MAMLD1: variants seen among roughly 807,000 people sequenced by gnomAD.
The protein encoded by MAMLD1 is mastermind-like domain-containing protein 1.
In MAMLD1, 14 loss-of-function variants were observed where a neutral mutation model predicts 45.0. The observed-to-expected ratio is 0.31, with a 90% confidence interval of 0.21 to 0.49. The LOEUF is 0.49. Among genes scored for constraint, MAMLD1 ranks in the 20% least tolerant of loss-of-function variants. The pLI is 0.99. For synonymous variants in MAMLD1, 254 were observed against 247.8 expected (o/e 1.02, Z -0.24); for missense variants, 543 against 603.6 (o/e 0.90, Z 1.05).
At chrX:150,398,343 G>GAAAGAAGAAGAAGAA (rs1569564636) in intron 1 of MAMLD1, among the ~76,000 whole-genome samples, 24 of 56,451 alleles carry the variant, frequency 4.3e-4, no homozygotes, top group African/African-American at 1.5e-3. Flanking sequence ...AAGAAGAAGA[G>GAAAGAAGAAGAAGAA]GAAGAGGAAG....
intron 1 of MAMLD1, among the ~76,000 whole-genome samples, chrX:150,401,106 T>G (rs1253594629): frequency 3.6e-5 from 4 of 111,252 alleles, no homozygotes; most frequent in Non-Finnish European, 7.6e-5. Flanking sequence ...TTTTGGTTGG[T>G]AAGCTATTGA....
chrX:150,511,060 G>GA (rs782275258), intron 7 of MAMLD1, among the ~76,000 whole-genome samples: 1 of 112,094 alleles, frequency 8.9e-6, no homozygotes, highest in Non-Finnish European at 1.9e-5. Context: ...CATTACAAGA[G>GA]AAAAAATCAT....
At chrX:150,361,913 C>A (rs1311027128), upstream of MAMLD1, among the ~76,000 whole-genome samples, 1 of 112,704 alleles carries the variant, frequency 8.9e-6, no homozygotes, top group African/African-American at 3.2e-5. Flanking sequence ...CCAATCCAGC[C>A]CAGCTTGGGC....
rs925135732 is a variant in MAMLD1, at chrX:150,468,873, G to A, written c.172-872G>A. ...TTAAAGACAAACAAGCAGAAATGAA[G>A]AGAATAGAAAGGGAATTGCCAGTCA... On this transcript the variant is annotated intron_variant, in intron 3 of 7. Transcript: ENST00000370401. Among the ~76,000 whole-genome samples, 3 of 111,203 alleles carry A rather than the reference G, an allele frequency of 2.7e-5. No individual in the cohort carries two copies. In the Admixed American group the frequency reaches 2.9e-4, roughly 11 times the overall value.
chrX:150,383,818 T>C (rs2032788445), intron 1 of MAMLD1, among the ~76,000 whole-genome samples: 1 of 111,751 alleles, frequency 8.9e-6, no homozygotes, highest in African/African-American at 3.3e-5. Flanking sequence ...TCTATATGGA[T>C]TTACTTATTC....
Position 150,447,017 on chromosome X carries a change from G to A in MAMLD1, c.96+1405G>A, listed in dbSNP as rs1170133234. Among the ~76,000 whole-genome samples, 4 of 112,355 alleles carry A rather than the reference G, an allele frequency of 3.6e-5. No homozygotes were observed. In the East Asian group the frequency reaches 1.1e-3, roughly 31 times the overall value. On this transcript the variant is annotated intron_variant, in intron 2 of 7. Coordinates refer to ENST00000370401, the MANE Select transcript of MAMLD1 (RefSeq NM_005491.5). ...TCCATCAACACTCTTAAAAAGTGTG[G>A]CCAGTAAGTAACTGCTTTGGTTTTG...
chrX:150,371,129 ACACAGCCAGTGCCCCTTTCTG>A (rs2031954551), intron 1 of MAMLD1, among the ~76,000 whole-genome samples: 1 of 111,177 alleles, frequency 9.0e-6, no homozygotes, highest in South Asian at 3.8e-4. Context: ...TCTGACCTGG[ACACAGCCAGTGCCCCTTTCTG>A]CACAGCCCAG....
chrX:150,458,939 A>G (rs887071401), intron 2 of MAMLD1, among the ~76,000 whole-genome samples: 10 of 112,424 alleles, frequency 8.9e-5, no homozygotes, highest in African/African-American at 3.2e-4. Context: ...TCTAATGTAC[A>G]GCACTGTGGC....
chrX:150,512,496 A>G lies in MAMLD1; in HGVS notation c.*537A>G, dbSNP rs1921142839. ...AGCCAAGTGGATAATAGCGTTCAGC[A>G]GCACTCACCTTCTGGCCAGGCCTGC... is the stretch of plus-strand genomic sequence containing the variant. On this transcript the variant is annotated 3_prime_UTR_variant, in exon 8 of 8. Coordinates refer to ENST00000370401, the MANE Select transcript of MAMLD1 (RefSeq NM_005491.5). 3 of 1,156,244 alleles carry G rather than the reference A, an allele frequency of 2.6e-6. No individual in the cohort carries two copies. Among genetic ancestry groups the G allele is most frequent in the Middle Eastern group, 4.6e-4 (2 of 4,308 alleles).
chrX:150,389,511 C>A (rs2033083905), intron 1 of MAMLD1, among the ~76,000 whole-genome samples: 1 of 112,095 alleles, frequency 8.9e-6, no homozygotes, highest in Non-Finnish European at 1.9e-5. Flanking sequence ...GCTGTGATTT[C>A]AATTATTTTA....
intron 1 of MAMLD1, among the ~76,000 whole-genome samples, chrX:150,386,431 G>A (rs188631389): frequency 1.8e-5 from 2 of 111,181 alleles, no homozygotes; most frequent in African/African-American, 3.3e-5. Context: ...TTGGGGGCAA[G>A]TAGACCACTT....
intron 1 of MAMLD1, among the ~76,000 whole-genome samples, chrX:150,427,088 G>A (rs1189468913): frequency 9.0e-6 from 1 of 111,095 alleles, no homozygotes; most frequent in Non-Finnish European, 1.9e-5. Flanking sequence ...TGTTCTCTCT[G>A]TGTGCATGTT....
At chrX:150,479,238 C>T (rs782433300) in intron 5 of MAMLD1, among the ~76,000 whole-genome samples, 5 of 111,339 alleles carry the variant, frequency 4.5e-5, no homozygotes, top group Admixed American at 9.5e-5. Flanking sequence ...ATAAGTGAGA[C>T]GACACTTTCA....
chrX:150,393,614 A>T (rs1557402209), intron 1 of MAMLD1, among the ~76,000 whole-genome samples: 1 of 112,196 alleles, frequency 8.9e-6, no homozygotes, highest in African/African-American at 3.2e-5. Context: ...TGTTGTTGCC[A>T]GTTTTCCAGA....
Position 150,470,119 on chromosome X carries a change from G to C in MAMLD1, c.546G>C (p.Glu182Asp). ...AGGAGCTTCAAGAGCTGCTAGAGGA[G>C]CTCACCAAAATTCAAGACCCTTCTC... Reference protein sequence around the residue: ...VDQELQELLEELTKIQDPSPN... With the variant: ...VDQELQELLEDLTKIQDPSPN... The change falls in exon 4 of 8, where the codon GAG becomes GAC. Residue 182 changes from glutamate (E) to aspartate (D), a missense_variant. Glu to Asp is a conservative substitution (Grantham distance 45). Coordinates refer to ENST00000370401, the MANE Select transcript of MAMLD1 (RefSeq NM_005491.5). 8.3e-7 allele frequency: 1 copy of C among 1,211,710 alleles called. No homozygotes were observed. The highest frequency in any genetic ancestry group is 1.1e-6 in the Non-Finnish European group (1 of 895,542).
At chrX:150,414,510 C>T (rs782111282) in intron 1 of MAMLD1, among the ~76,000 whole-genome samples, 4 of 111,284 alleles carry the variant, frequency 3.6e-5, no homozygotes, top group South Asian at 7.7e-4. Flanking sequence ...GGCTGCCTCC[C>T]GGCTTCCTTC....
chrX:150,427,134 A>C (rs1276252968), intron 1 of MAMLD1, among the ~76,000 whole-genome samples: 1 of 111,584 alleles, frequency 9.0e-6, no homozygotes, highest in Non-Finnish European at 1.9e-5. Flanking sequence ...TACAGACACC[A>C]ATCATATTGG....
chrX:150,466,986 C>A (rs1329448296), intron 3 of MAMLD1, among the ~76,000 whole-genome samples: 1 of 108,459 alleles, frequency 9.2e-6, no homozygotes, highest in African/African-American at 3.4e-5. Context: ...CCCTCCCTTC[C>A]TTTCCCCAAC....
chrX:150,435,351 TA>T (rs34357123), intron 1 of MAMLD1, among the ~76,000 whole-genome samples: 6 of 110,556 alleles, frequency 5.4e-5, no homozygotes, highest in African/African-American at 1.6e-4. Flanking sequence ...CCATCTCTAC[TA>T]AAAATACAAA....
Sources: allele counts gnomAD v4.1 joint callset (sites outside exome capture counted in the v4.1 genomes callset), GRCh38; gene constraint gnomAD v4.1.1; transcripts MANE v1.5; gene names NCBI Gene and HGNC (gene_info 2026-07-23, HGNC 2026-07-21).